ZSWIM6: variants seen among roughly 807,000 people sequenced by gnomAD.
ZSWIM6 encodes the protein zinc finger SWIM domain-containing protein 6.
A neutral mutation model predicts 113.2 loss-of-function variants in ZSWIM6; 9 were observed. The ratio of observed to expected loss-of-function variants is 0.08; its 90% CI spans 0.05 to 0.14. ZSWIM6 has a LOEUF of 0.14. Among genes scored for constraint, ZSWIM6 ranks in the 10% least tolerant of loss-of-function variants. The probability of loss-of-function intolerance (pLI) is 1.00; values close to 1 mark genes in which losing one functional copy is unlikely to be tolerated. For synonymous variants in ZSWIM6, 611 were observed against 606.5 expected, an observed-to-expected ratio of 1.01 and a Z score of -0.11; for missense variants, 1,162 against 1,552.2, an observed-to-expected ratio of 0.75 and a Z score of 4.22.
intron 1 of ZSWIM6, among the ~76,000 whole-genome samples, chr5:61,385,446 T>C (rs1212636841): frequency 6.6e-6 from 1 of 152,170 alleles, no homozygotes; most frequent in Non-Finnish European, 1.5e-5. Context: ...AGGCATCCGA[T>C]TTGACAGAAA....
At chr5:61,489,217 C>T (rs1748114456) in intron 2 of ZSWIM6, among the ~76,000 whole-genome samples, 1 of 151,924 alleles carries the variant, frequency 6.6e-6, no homozygotes, top group African/African-American at 2.4e-5. Context: ...TTTTAATTAG[C>T]TTTTAATCCA....
chr5:61,367,940 AG>A (rs1745194025), intron 1 of ZSWIM6, among the ~76,000 whole-genome samples: 1 of 151,976 alleles, frequency 6.6e-6, no homozygotes, highest in Non-Finnish European at 1.5e-5. Flanking sequence ...TCTGTAACAT[AG>A]GGAGGCCTCC....
intron 1 of ZSWIM6, among the ~76,000 whole-genome samples, chr5:61,438,405 A>T (rs1746757937): frequency 6.6e-6 from 1 of 152,210 alleles, no homozygotes; most frequent in Non-Finnish European, 1.5e-5. Context: ...CTAGAATATA[A>T]AGTAAATTGT....
chr5:61,395,498 G>A (rs1353672432), intron 1 of ZSWIM6, among the ~76,000 whole-genome samples: 1 of 152,134 alleles, frequency 6.6e-6, no homozygotes, highest in African/African-American at 2.4e-5. Context: ...AGCAATATCA[G>A]AGTTAAGATA....
At chr5:61,425,966 T>C (rs1411331507) in intron 1 of ZSWIM6, among the ~76,000 whole-genome samples, 1 of 152,068 alleles carries the variant, frequency 6.6e-6, no homozygotes, top group South Asian at 2.1e-4. Flanking sequence ...TAACGGGGAG[T>C]GATGTGAGCA....
At chr5:61,404,714 C>A (rs1346793308) in intron 1 of ZSWIM6, among the ~76,000 whole-genome samples, 1 of 152,210 alleles carries the variant, frequency 6.6e-6, no homozygotes, top group East Asian at 1.9e-4. Context: ...CTTCTTGCTC[C>A]TTTCATGGCT....
In ZSWIM6 at chr5:61,406,694, A is replaced by T. The variant is rs1224712938; in HGVS notation, c.677-65987A>T. Reference sequence around the variant, plus strand: ...CTATAATTTATCTCAGAAATCTTTTATTTATTTATTTATTTATTTATTTAT... The same window carrying T: ...CTATAATTTATCTCAGAAATCTTTTTTTTATTTATTTATTTATTTATTTAT... On this transcript the variant is annotated intron_variant, in intron 1 of 13. Coordinates refer to ENST00000252744, the MANE Select transcript of ZSWIM6 (RefSeq NM_020928.2). Among the ~76,000 whole-genome samples the T allele has an allele frequency of 3.3e-5, 4 of 121,274 alleles. No homozygotes were observed. In the East Asian group the frequency reaches 5.9e-4, roughly 18 times the overall value. The allele number at this position is 121,274 out of a possible 152,430, so 79.6% of individuals were successfully genotyped here.
At chr5:61,432,850 A>C (rs1378676573) in intron 1 of ZSWIM6, among the ~76,000 whole-genome samples, 1 of 150,758 alleles carries the variant, frequency 6.6e-6, no homozygotes, top group East Asian at 1.9e-4. Context: ...CCAACAAAAC[A>C]AAAAAAACAG....
At chr5:61,467,910 G>A (rs919300732) in intron 1 of ZSWIM6, among the ~76,000 whole-genome samples, 2 of 151,998 alleles carry the variant, frequency 1.3e-5, no homozygotes, top group Non-Finnish European at 2.9e-5. Context: ...CACCTCCACG[G>A]GCTAGACCCC....
chr5:61,446,223 C>A (rs985647351), intron 1 of ZSWIM6, among the ~76,000 whole-genome samples: 1 of 152,172 alleles, frequency 6.6e-6, no homozygotes, highest in Non-Finnish European at 1.5e-5. Context: ...CGGGGTTTCA[C>A]CATGTTGGCC....
intron 1 of ZSWIM6, among the ~76,000 whole-genome samples, chr5:61,336,621 G>A (rs1320689834): frequency 6.6e-6 from 1 of 152,078 alleles, no homozygotes; most frequent in African/African-American, 2.4e-5. Context: ...TAGGCATCGT[G>A]GCACATGCCT....
intron 1 of ZSWIM6, among the ~76,000 whole-genome samples, chr5:61,401,300 C>T (rs954333622): frequency 6.6e-6 from 1 of 151,958 alleles, no homozygotes; most frequent in Non-Finnish European, 1.5e-5. Flanking sequence ...AGTCTTTTTT[C>T]CAGAGGTACT....
intron 1 of ZSWIM6, among the ~76,000 whole-genome samples, chr5:61,396,905 T>C (rs1745848873): frequency 6.6e-6 from 1 of 151,996 alleles, no homozygotes; most frequent in South Asian, 2.1e-4. Flanking sequence ...GACATAGTTA[T>C]TCTCTTAGGA....
chr5:61,541,888 T>C lies in ZSWIM6; in HGVS notation c.2708T>C (p.Met903Thr). 3.9e-6 allele frequency: 6 copies of C among 1,550,698 alleles called. No homozygotes were observed. The highest frequency in any genetic ancestry group is 5.2e-6 in the Non-Finnish European group (6 of 1,145,926). The change falls in exon 13 of 14, where the codon ATG becomes ACG. Residue 903 changes from methionine to threonine, a missense_variant. This residue lies in a region of ZSWIM6 where 620 missense variants were observed against 804.6 expected (regional missense o/e 0.77). Coordinates refer to ENST00000252744, the MANE Select transcript of ZSWIM6 (RefSeq NM_020928.2). ...TTTGTTACCCTGTTTTTATAGGTTA[T>C]GCGAATGACACTGTCAACCTTAAAT... The part of the protein sequence containing the change: ...KVSLELGLQV[M>T]RMTLSTLNWR...
chr5:61,379,514 G>A (rs1174324826), intron 1 of ZSWIM6, among the ~76,000 whole-genome samples: 3 of 152,126 alleles, frequency 2.0e-5, no homozygotes, highest in Admixed American at 2.0e-4. Flanking sequence ...AGGGTCTTTG[G>A]ACGACTAGTT....
At chr5:61,388,703 T>C (rs1263865933) in intron 1 of ZSWIM6, among the ~76,000 whole-genome samples, 3 of 152,230 alleles carry the variant, frequency 2.0e-5, no homozygotes, top group African/African-American at 7.2e-5. Flanking sequence ...ACACAGTGGC[T>C]CAAAAATATC....
chr5:61,349,511 A>G (rs1489735433), intron 1 of ZSWIM6, among the ~76,000 whole-genome samples: 1 of 152,200 alleles, frequency 6.6e-6, no homozygotes, highest in Non-Finnish European at 1.5e-5. Flanking sequence ...GGAGGTGAAT[A>G]GGAATATGAC....
chr5:61,433,812 A>G (rs1467720650), intron 1 of ZSWIM6, among the ~76,000 whole-genome samples: 3 of 151,996 alleles, frequency 2.0e-5, no homozygotes, highest in East Asian at 1.9e-4. Context: ...TAATTATGTA[A>G]ATATAAAGAA....
chr5:61,381,180 G>T (rs1474709453), intron 1 of ZSWIM6, among the ~76,000 whole-genome samples: 1 of 152,232 alleles, frequency 6.6e-6, no homozygotes, highest in African/African-American at 2.4e-5. Flanking sequence ...TTGAATCCGG[G>T]AGGTAGAGGC....
Sources: allele counts gnomAD v4.1 joint callset (sites outside exome capture counted in the v4.1 genomes callset), GRCh38; gene constraint gnomAD v4.1.1; regional missense constraint gnomAD v4.1.1; transcripts MANE v1.5; gene names NCBI Gene and HGNC (gene_info 2026-07-23, HGNC 2026-07-21).